The following TENM3 variants were observed in gnomAD, a reference collection of about 807,000 sequenced individuals.
The protein encoded by TENM3 is teneurin transmembrane protein 3.
TENM3 carries 63 observed loss-of-function variants against 255.1 expected under a neutral mutation model. That is an observed-to-expected ratio of 0.25 (90% CI 0.20 to 0.30). The LOEUF (loss-of-function observed/expected upper bound fraction) is 0.30. Ranked by LOEUF, TENM3 falls within the 10% of genes least tolerant of loss-of-function variation. The pLI, the probability that TENM3 is intolerant of heterozygous loss-of-function variation, is 1.00. For missense variants in TENM3, 2,929 were observed against 3,461.1 expected (o/e 0.85, Z 3.86); for synonymous variants, 1,306 against 1,322.3 (o/e 0.99, Z 0.27).
chr4:181,634,226 G>A, the TENM3 span, among the ~76,000 whole-genome samples: 1 of 152,224 alleles, frequency 6.6e-6, no homozygotes, highest in East Asian at 1.9e-4. Context: ...TTATGGGGCT[G>A]TAAACATTTG....
At chr4:182,311,484 C>G (rs182588538) in intron 1 of TENM3, among the ~76,000 whole-genome samples, 4 of 152,100 alleles carry the variant, frequency 2.6e-5, no homozygotes, top group Non-Finnish European at 5.9e-5. Context: ...GAAGTATAGT[C>G]CAGAGGTTAA....
At chr4:181,575,874 C>A in the TENM3 span, among the ~76,000 whole-genome samples, 7 of 152,230 alleles carry the variant, frequency 4.6e-5, no homozygotes, top group African/African-American at 1.7e-4. Context: ...CATTTCCCAG[C>A]CTTCCTTGCA....
chr4:182,604,506 A>G (rs976214296), intron 4 of TENM3, among the ~76,000 whole-genome samples: 1 of 152,176 alleles, frequency 6.6e-6, no homozygotes, highest in African/African-American at 2.4e-5. Context: ...TCAGTATGTA[A>G]TAATAGCTGC....
chr4:181,950,905 G>C, the TENM3 span, among the ~76,000 whole-genome samples: 2 of 152,002 alleles, frequency 1.3e-5, no homozygotes, highest in Non-Finnish European at 2.9e-5. Context: ...AGCCAGGCAT[G>C]GTAGCATGTG....
At chr4:182,295,398 G>T (rs1363066025) in intron 1 of TENM3, among the ~76,000 whole-genome samples, 3 of 151,118 alleles carry the variant, frequency 2.0e-5, no homozygotes, top group African/African-American at 7.3e-5. Context: ...CTCCCAAGTG[G>T]CTAGGATTAC....
At chr4:182,336,357 A>C (rs553801672) in intron 2 of TENM3, among the ~76,000 whole-genome samples, 15 of 152,326 alleles carry the variant, frequency 9.8e-5, no homozygotes, top group Non-Finnish European at 8.8e-5. Context: ...GCCAAAAAAA[A>C]AAAGCAATTC....
the TENM3 span, among the ~76,000 whole-genome samples, chr4:181,900,342 A>C: frequency 6.6e-6 from 1 of 152,222 alleles, no homozygotes; most frequent in South Asian, 2.1e-4. Context: ...ATCATTCAAA[A>C]GTTCACAAAA....
At chr4:182,439,546 A>G (rs560662947) in intron 3 of TENM3, among the ~76,000 whole-genome samples, 1 of 152,348 alleles carries the variant, frequency 6.6e-6, no homozygotes, top group South Asian at 2.1e-4. Flanking sequence ...AAGGTGTTTC[A>G]GGCACATAAT....
the TENM3 span, among the ~76,000 whole-genome samples, chr4:181,787,518 T>A: frequency 6.6e-6 from 1 of 152,186 alleles, no homozygotes; most frequent in African/African-American, 2.4e-5. Flanking sequence ...TTTCATATTT[T>A]TAGTAGAGAT....
chr4:181,595,443 A>AC, the TENM3 span, among the ~76,000 whole-genome samples: 52,845 of 130,614 alleles, frequency 0.4, 11,729 homozygotes, highest in Non-Finnish European at 0.49. Context: ...AAAAAAAAAA[A>AC]AAAAAAAAAA....
At chr4:181,485,336 C>T in the TENM3 span, among the ~76,000 whole-genome samples, 14 of 152,154 alleles carry the variant, frequency 9.2e-5, no homozygotes, top group East Asian at 2.5e-3. Context: ...GCTCTTAGTA[C>T]ACATTTGTGT....
intron 1 of TENM3, among the ~76,000 whole-genome samples, chr4:182,262,853 A>T (rs972986762): frequency 2.0e-5 from 3 of 151,238 alleles, no homozygotes; most frequent in Non-Finnish European, 2.9e-5. Flanking sequence ...AGCTGGGACT[A>T]CAGGCACCCA....
intron 3 of TENM3, among the ~76,000 whole-genome samples, chr4:182,462,991 T>C (rs1732190704): frequency 6.6e-6 from 1 of 152,054 alleles, no homozygotes; most frequent in African/African-American, 2.4e-5. Context: ...AAAATCCATG[T>C]ATACTAAAGG....
the TENM3 span, among the ~76,000 whole-genome samples, chr4:181,478,065 C>A: frequency 1.3e-5 from 2 of 152,104 alleles, no homozygotes; most frequent in African/African-American, 4.8e-5. Context: ...ATAACCATAT[C>A]AATTAAATGC....
the TENM3 span, among the ~76,000 whole-genome samples, chr4:181,878,881 A>G: frequency 6.6e-6 from 1 of 151,962 alleles, no homozygotes; most frequent in Non-Finnish European, 1.5e-5. Context: ...CTACCTCTCT[A>G]TCTATCTATA....
the TENM3 span, among the ~76,000 whole-genome samples, chr4:181,539,173 T>G: frequency 0.24 from 36,666 of 152,092 alleles, 4,676 homozygotes; most frequent in African/African-American, 0.31. Flanking sequence ...TCTTCAGCAT[T>G]GGAAGAACCA....
chr4:182,111,434 G>A, the TENM3 span, among the ~76,000 whole-genome samples: 1 of 152,010 alleles, frequency 6.6e-6, no homozygotes, highest in Non-Finnish European at 1.5e-5. Flanking sequence ...TGTCTAGAAT[G>A]GCCAGATTCT....
At chr4:181,855,777 G>A in the TENM3 span, among the ~76,000 whole-genome samples, 2 of 151,544 alleles carry the variant, frequency 1.3e-5, no homozygotes, top group Non-Finnish European at 2.9e-5. Context: ...CAAGTGCTAT[G>A]AAGAAAGAAA....
intron 3 of TENM3, among the ~76,000 whole-genome samples, chr4:182,586,929 C>A (rs1746077307): frequency 6.6e-6 from 1 of 152,110 alleles, no homozygotes; most frequent in Admixed American, 6.5e-5. Context: ...GGAACTTTAT[C>A]TGTGTGCTCT....
Sources: gnomAD v4.1 joint callset for allele counts (sites outside exome capture counted in the v4.1 genomes callset) on GRCh38, gnomAD v4.1.1 for gene constraint, MANE v1.5 for transcripts, NCBI Gene and HGNC (gene_info 2026-07-23, HGNC 2026-07-21) for gene names.